IL1RAPL2: variants seen among roughly 807,000 people sequenced by gnomAD.
The protein encoded by IL1RAPL2 is interleukin 1 receptor accessory protein like 2.
IL1RAPL2 carries 3 observed loss-of-function variants against 44.1 expected under a neutral mutation model. The observed-to-expected ratio is 0.07, with a 90% CI of 0.03 to 0.18. The LOEUF (loss-of-function observed/expected upper bound fraction) is 0.18, where lower values mean the gene tolerates loss of function less well. IL1RAPL2 is among the 10% of genes least tolerant of loss of function. IL1RAPL2 has a pLI of 1.00. For synonymous variants in IL1RAPL2, 181 were observed against 178.8 expected (o/e 1.01, Z -0.10); for missense variants, 391 against 496.4 (o/e 0.79, Z 2.02).
chrX:104,903,614 G>T (rs753940923), intron 2 of IL1RAPL2, among the ~76,000 whole-genome samples: 2 of 111,165 alleles, frequency 1.8e-5, no homozygotes, highest in South Asian at 7.6e-4. Flanking sequence ...GTCTGACTCT[G>T]TTGCCCAGGC....
At chrX:105,551,242 G>A (rs1213906768) in intron 6 of IL1RAPL2, among the ~76,000 whole-genome samples, 2 of 104,157 alleles carry the variant, frequency 1.9e-5, no homozygotes, top group African/African-American at 7.0e-5. Flanking sequence ...ACCATTAAAA[G>A]TATCACTGAT....
intron 6 of IL1RAPL2, among the ~76,000 whole-genome samples, chrX:105,617,709 T>G (rs1310130599): frequency 9.0e-6 from 1 of 111,592 alleles, no homozygotes; most frequent in African/African-American, 3.3e-5. Context: ...TGGCAAGGCT[T>G]TGGGCTTTGA....
At chrX:105,343,921 C>T (rs1366081439) in intron 5 of IL1RAPL2, among the ~76,000 whole-genome samples, 1 of 105,891 alleles carries the variant, frequency 9.4e-6, no homozygotes, top group Non-Finnish European at 1.9e-5. Flanking sequence ...GATGGAGTCT[C>T]ACTCACTCTG....
At chrX:105,005,304 T>C in intron 2 of IL1RAPL2, among the ~76,000 whole-genome samples, 1 of 111,367 alleles carries the variant, frequency 9.0e-6, no homozygotes. Context: ...TGATCTGAAA[T>C]AGCCAGTTTA....
intron 5 of IL1RAPL2, among the ~76,000 whole-genome samples, chrX:105,454,113 C>T (rs1033061718): frequency 1.1e-4 from 12 of 111,178 alleles, no homozygotes; most frequent in African/African-American, 3.9e-4. Context: ...AGAGACTCCC[C>T]ATTAGGATAA....
chrX:104,951,150 A>G (rs968926923), intron 2 of IL1RAPL2, among the ~76,000 whole-genome samples: 5 of 111,351 alleles, frequency 4.5e-5, no homozygotes, highest in African/African-American at 1.6e-4. Flanking sequence ...TGCGTCACTC[A>G]CGCTGGGAGC....
chrX:105,103,040 C>T (rs1214829699), intron 2 of IL1RAPL2, among the ~76,000 whole-genome samples: 1 of 111,464 alleles, frequency 9.0e-6, no homozygotes, highest in Non-Finnish European at 1.9e-5. Context: ...TTCAGTTTGC[C>T]ACCTTTTCAA....
intron 6 of IL1RAPL2, among the ~76,000 whole-genome samples, chrX:105,560,016 A>G (rs1227882579): frequency 1.8e-5 from 2 of 111,637 alleles, no homozygotes; most frequent in African/African-American, 6.5e-5. Flanking sequence ...CACCGTCTTG[A>G]CCTCTCCATC....
chrX:105,239,066 G>T (rs2034146558), intron 4 of IL1RAPL2, among the ~76,000 whole-genome samples: 1 of 111,380 alleles, frequency 9.0e-6, no homozygotes, highest in Non-Finnish European at 1.9e-5. Flanking sequence ...ATAGATCAAA[G>T]AATGAGCTAA....
intron 6 of IL1RAPL2, among the ~76,000 whole-genome samples, chrX:105,545,098 T>A (rs2036781041): frequency 8.9e-6 from 1 of 111,944 alleles, no homozygotes; most frequent in Non-Finnish European, 1.9e-5. Flanking sequence ...GTAATCTTAA[T>A]CTTTAAAAAA....
At chrX:105,728,090 G>A (rs2038367435) in intron 7 of IL1RAPL2, among the ~76,000 whole-genome samples, 1 of 111,278 alleles carries the variant, frequency 9.0e-6, no homozygotes, top group Admixed American at 9.5e-5. Flanking sequence ...CCATCTATGG[G>A]TTTCAACAGA....
At chrX:104,966,922 T>C (rs2030134962) in intron 2 of IL1RAPL2, among the ~76,000 whole-genome samples, 1 of 112,474 alleles carries the variant, frequency 8.9e-6, no homozygotes. Flanking sequence ...TCACAAAATC[T>C]ACTTTTGCTA....
chrX:105,328,700 G>A (rs912109259), intron 5 of IL1RAPL2, among the ~76,000 whole-genome samples: 5 of 111,896 alleles, frequency 4.5e-5, no homozygotes, highest in Middle Eastern at 4.6e-3. Context: ...GACAAGGATG[G>A]ACTACGTGTA....
chrX:105,497,190 C>CA (rs1351359482), intron 6 of IL1RAPL2, among the ~76,000 whole-genome samples: 1 of 110,649 alleles, frequency 9.0e-6, no homozygotes, highest in Non-Finnish European at 1.9e-5. Flanking sequence ...ATTAGCAGGA[C>CA]AAAAAATAAC....
chrX:104,605,814 G>C (rs750890597), intron 1 of IL1RAPL2, among the ~76,000 whole-genome samples: 1 of 111,914 alleles, frequency 8.9e-6, no homozygotes, highest in South Asian at 3.8e-4. Flanking sequence ...TTCTGAAATT[G>C]AGGCAGCAAT....
intron 6 of IL1RAPL2, among the ~76,000 whole-genome samples, chrX:105,536,568 C>T: frequency 9.0e-6 from 1 of 111,148 alleles, no homozygotes; most frequent in Non-Finnish European, 1.9e-5. Flanking sequence ...AAATGCCACA[C>T]ATCAGGACTT....
At chrX:105,094,727 G>A (rs1300408675) in intron 2 of IL1RAPL2, among the ~76,000 whole-genome samples, 1 of 111,282 alleles carries the variant, frequency 9.0e-6, no homozygotes, top group Non-Finnish European at 1.9e-5. Flanking sequence ...AAAAAAGGCA[G>A]TTGGAATTTT....
chrX:104,713,285 T>A lies in IL1RAPL2; in HGVS notation c.82+54290T>A, dbSNP rs973070158. On this transcript the variant is annotated intron_variant, in intron 2 of 10. Coordinates refer to ENST00000372582, the MANE Select transcript of IL1RAPL2 (RefSeq NM_017416.2). ...CTTCCATTTCAGTGATTCTATTACC[T>A]ACTTCTGTCAATATTTCTCCACTTC... Among the ~76,000 whole-genome samples, 4 of 110,751 alleles carry A rather than the reference T, an allele frequency of 3.6e-5. No individual in the cohort carries two copies. The East Asian group carries it at 8.6e-4, about 24-fold the overall frequency.
intron 2 of IL1RAPL2, among the ~76,000 whole-genome samples, chrX:105,021,734 C>T (rs149425087): frequency 3.8e-3 from 426 of 111,556 alleles, no homozygotes; most frequent in Non-Finnish European, 6.2e-3. Flanking sequence ...TTGGACTGCC[C>T]AAAACAATAC....
Sources: allele counts gnomAD v4.1 joint callset (sites outside exome capture counted in the v4.1 genomes callset), GRCh38; gene constraint gnomAD v4.1.1; transcripts MANE v1.5; gene names NCBI Gene and HGNC (gene_info 2026-07-23, HGNC 2026-07-21).